Variants in PMFBP1 observed in about 807,000 individuals in gnomAD.
PMFBP1 encodes polyamine modulated factor 1 binding protein 1.
In PMFBP1, 131 loss-of-function variants were observed where a neutral mutation model predicts 137.8. The ratio of observed to expected loss-of-function variants is 0.95; its 90% CI spans 0.82 to 1.10. The LOEUF (loss-of-function observed/expected upper bound fraction) is 1.10, where lower values mean the gene tolerates loss of function less well. Ranked by LOEUF, PMFBP1 falls within the 50% of genes least tolerant of loss-of-function variation. PMFBP1 has a pLI of 0.00. For synonymous variants in PMFBP1, 490 were observed against 450.4 expected, an observed-to-expected ratio of 1.09 and a Z score of -1.11; for missense variants, 1,199 against 1,175.4, an observed-to-expected ratio of 1.02 and a Z score of -0.29.
chr16:72,236,743 A>G, the PMFBP1 span, among the ~76,000 whole-genome samples: 1 of 152,168 alleles, frequency 6.6e-6, no homozygotes, highest in African/African-American at 2.4e-5. Flanking sequence ...TTATATCCAC[A>G]TTTCACTGGC....
chr16:72,241,730 A>G, the PMFBP1 span, among the ~76,000 whole-genome samples: 3 of 152,208 alleles, frequency 2.0e-5, no homozygotes, highest in African/African-American at 7.2e-5. Context: ...TTCAGCATCC[A>G]TGGAGACAGC....
chr16:72,133,543 C>T (rs2144301756), intron 9 of PMFBP1, among the ~76,000 whole-genome samples: 1 of 152,230 alleles, frequency 6.6e-6, no homozygotes, highest in East Asian at 1.9e-4. Context: ...GGCTGGAGTG[C>T]AGTGGCACGA....
intron 9 of PMFBP1, 36 bp downstream of exon 9, chr16:72,136,412 C>A (rs1220499704): frequency 6.2e-7 from 1 of 1,602,554 alleles, no homozygotes; most frequent in Admixed American, 1.7e-5. Flanking sequence ...TCACACCTGC[C>A]CCATTGGGAA....
chr16:72,181,251 T>A (rs201942065), upstream of PMFBP1, among the ~76,000 whole-genome samples: 2,667 of 147,254 alleles, frequency 0.018, 53 homozygotes, highest in South Asian at 0.069. Context: ...AAAAAAAAAA[T>A]AATAATAATA....
chr16:72,246,462 G>C, the PMFBP1 span, among the ~76,000 whole-genome samples: 4 of 152,002 alleles, frequency 2.6e-5, no homozygotes, highest in Admixed American at 2.6e-4. Context: ...TAGGTCCTTT[G>C]TGATCTGGCC....
the PMFBP1 span, among the ~76,000 whole-genome samples, chr16:72,190,951 G>T: frequency 3.9e-5 from 6 of 152,290 alleles, no homozygotes; most frequent in Middle Eastern, 6.8e-3. Flanking sequence ...TTGAATGAAT[G>T]AATGGGTCTT....
intron 3 of PMFBP1, among the ~76,000 whole-genome samples, chr16:72,163,095 G>A (rs189606663): frequency 6.6e-6 from 1 of 152,324 alleles, no homozygotes; most frequent in East Asian, 1.9e-4. Context: ...CCAGATCCTT[G>A]ACCACAAACA....
At chr16:72,151,439 C>G (rs1051100975) in intron 4 of PMFBP1, among the ~76,000 whole-genome samples, 4 of 152,150 alleles carry the variant, frequency 2.6e-5, no homozygotes, top group Admixed American at 2.6e-4. Context: ...GCTCACCCCT[C>G]AAAGAGTTTA....
At chr16:72,203,813 C>A in the PMFBP1 span, among the ~76,000 whole-genome samples, 6 of 152,180 alleles carry the variant, frequency 3.9e-5, no homozygotes, top group Non-Finnish European at 8.8e-5. Context: ...AGAGTGAATT[C>A]CCTATGACTT....
At chr16:72,168,595 C>T (rs2043179066) in intron 2 of PMFBP1, among the ~76,000 whole-genome samples, 1 of 152,218 alleles carries the variant, frequency 6.6e-6, no homozygotes, top group Non-Finnish European at 1.5e-5. Context: ...TGTTGACCCT[C>T]AGGCACCATC....
the PMFBP1 span, among the ~76,000 whole-genome samples, chr16:72,212,536 G>A: frequency 6.6e-6 from 1 of 150,376 alleles, no homozygotes; most frequent in Non-Finnish European, 1.5e-5. Context: ...GGCTCACCAA[G>A]CCTGAAACGT....
rs758732718 is a variant in PMFBP1, at chr16:72,140,417, C to T, written c.802G>A (p.Ala268Thr). ...TTCTAGAAGAAGGCACTTACCAAAG[C>T]GTTACTGCAGGCCAGCTTATTTCGA... ...ELRNKLACSN[A>T]LVLEREKALI... is the part of the protein sequence containing the mutation. Residue 268 changes from alanine (A) to threonine (T), a missense_variant, in exon 6 of 21, where the codon GCT becomes ACT. Ala to Thr is a moderately conservative substitution (Grantham distance 58, BLOSUM62 0). Coordinates refer to ENST00000237353, the MANE Select transcript of PMFBP1 (RefSeq NM_031293.3). 20 of 1,613,140 alleles carry T rather than the reference C, an allele frequency of 1.2e-5. No homozygotes were observed. Among genetic ancestry groups the T allele is most frequent in the South Asian group, 7.7e-5 (7 of 91,050 alleles).
the PMFBP1 span, among the ~76,000 whole-genome samples, chr16:72,212,218 G>A: frequency 2.0e-5 from 3 of 151,932 alleles, no homozygotes; most frequent in Non-Finnish European, 4.4e-5. Flanking sequence ...CTCAAGAGGA[G>A]GGGATTATAG....
chr16:72,130,115 A>C, intron 12 of PMFBP1, 98 bp downstream of exon 12: 13 of 1,520,638 alleles, frequency 8.5e-6, no homozygotes, highest in Non-Finnish European at 1.2e-5. Flanking sequence ...TTGGCCTCGC[A>C]AAGAGCTGAG....
rs558716727 is a variant in PMFBP1 at position 72,136,577 on chromosome 16, G to A, written c.1074C>T (p.His358=). 14 of 1,614,050 alleles carry A rather than the reference G, an allele frequency of 8.7e-6. No individual in the cohort carries two copies. Among genetic ancestry groups the A allele is most frequent in the South Asian group, 3.3e-5 (3 of 91,074 alleles). The part of the protein sequence containing the change: ...KDMMKLELDL[H]GLREETSAHI... ...GGGCAGATGTCTCCTCCCGCAGTCC[G>A]TGCAGGTCCAGCTCCAGCTTCATCA... Residue 358 remains histidine (H), a synonymous_variant, in exon 9 of 21, where the codon CAC becomes CAT. Transcript: ENST00000237353.
chr16:72,207,435 GGA>G, the PMFBP1 span, among the ~76,000 whole-genome samples: 2 of 152,300 alleles, frequency 1.3e-5, no homozygotes, highest in African/African-American at 4.8e-5. Context: ...CTGAATTTTA[GGA>G]GAGATAGGGG....
At chr16:72,242,721 G>C in the PMFBP1 span, among the ~76,000 whole-genome samples, 1 of 152,194 alleles carries the variant, frequency 6.6e-6, no homozygotes. Context: ...TGCTAACCAA[G>C]AAATGCGTGA....
chr16:72,172,749 T>C (rs548007758), upstream of PMFBP1, among the ~76,000 whole-genome samples: 2 of 152,254 alleles, frequency 1.3e-5, no homozygotes, highest in South Asian at 2.1e-4. Context: ...TACTGTGGTC[T>C]ACTAAGCGTG....
the PMFBP1 span, among the ~76,000 whole-genome samples, chr16:72,222,005 T>C: frequency 6.6e-6 from 1 of 152,198 alleles, no homozygotes; most frequent in African/African-American, 2.4e-5. Context: ...TCATTTAATT[T>C]TCGTAACTCC....
Sources: gnomAD v4.1 joint callset for allele counts (sites outside exome capture counted in the v4.1 genomes callset) on GRCh38, gnomAD v4.1.1 for gene constraint, MANE v1.5 for transcripts, NCBI Gene and HGNC (gene_info 2026-07-23, HGNC 2026-07-21) for gene names.